The following CHSY3 variants were observed in gnomAD, a reference collection of about 807,000 sequenced individuals.
CHSY3 encodes N-acetylgalactosaminyl-proteoglycan 3-beta-glucuronosyltransferase 3.
A neutral mutation model predicts 67.2 loss-of-function variants in CHSY3; 35 were observed. That is an observed-to-expected ratio of 0.52 (90% CI 0.40 to 0.69). The LOEUF (loss-of-function observed/expected upper bound fraction) is 0.69, where lower values mean the gene tolerates loss of function less well. CHSY3 is among the 30% of genes least tolerant of loss of function. The pLI is 0.00. For synonymous variants in CHSY3, 474 were observed against 434.7 expected (o/e 1.09, Z -1.12); for missense variants, 1,069 against 1,138.5 (o/e 0.94, Z 0.88).
At chr5:130,118,441 T>C (rs1372595171) in intron 2 of CHSY3, among the ~76,000 whole-genome samples, 8 of 151,942 alleles carry the variant, frequency 5.3e-5, no homozygotes, top group Non-Finnish European at 1.2e-4. Flanking sequence ...TATCTGTCTA[T>C]ATATACACAC....
At chr5:129,985,734 C>G (rs761342467) in intron 2 of CHSY3, among the ~76,000 whole-genome samples, 1 of 152,080 alleles carries the variant, frequency 6.6e-6, no homozygotes, top group South Asian at 2.1e-4. Context: ...TTGAACTGAT[C>G]TTTTACCTCC....
chr5:130,089,225 G>T (rs1022323986), intron 2 of CHSY3, among the ~76,000 whole-genome samples: 5 of 112,752 alleles, frequency 4.4e-5, no homozygotes, highest in African/African-American at 1.7e-4. Flanking sequence ...ACTGTTGTGG[G>T]GTGGGGGGTG....
At chr5:129,978,217 A>G (rs986085624) in intron 2 of CHSY3, among the ~76,000 whole-genome samples, 5 of 152,152 alleles carry the variant, frequency 3.3e-5, no homozygotes, top group African/African-American at 4.8e-5. Flanking sequence ...TGAAAAAAAG[A>G]TGGTCACAAT....
intron 2 of CHSY3, among the ~76,000 whole-genome samples, chr5:130,166,515 AT>A (rs1212262854): frequency 8.5e-5 from 13 of 152,136 alleles, no homozygotes; most frequent in Non-Finnish European, 1.5e-4. Context: ...AAGTCCTTGT[AT>A]CTTCATTTCC....
intron 2 of CHSY3, among the ~76,000 whole-genome samples, chr5:129,971,513 A>ATTAGTAGGCAAGTTTTTAAAATTTATT (rs1762639539): frequency 6.6e-6 from 1 of 151,902 alleles, no homozygotes; most frequent in African/African-American, 2.4e-5. Context: ...GCAGGTGCTG[A>ATTAGTAGGCAAGTTTTTAAAATTTATT]AGTAGGCAAG....
chr5:130,168,528 T>C (rs1195194769), intron 2 of CHSY3, among the ~76,000 whole-genome samples: 1 of 152,140 alleles, frequency 6.6e-6, no homozygotes, highest in Non-Finnish European at 1.5e-5. Context: ...GCAGCACAGA[T>C]GTGTAAAGTC....
At chr5:130,005,150 A>G (rs1763839646) in intron 2 of CHSY3, among the ~76,000 whole-genome samples, 1 of 152,170 alleles carries the variant, frequency 6.6e-6, no homozygotes. Context: ...TTTTAAAAGT[A>G]CCTTCTTTAA....
At chr5:130,033,370 T>A (rs1347857338) in intron 2 of CHSY3, among the ~76,000 whole-genome samples, 1 of 152,140 alleles carries the variant, frequency 6.6e-6, no homozygotes, top group Non-Finnish European at 1.5e-5. Flanking sequence ...TTGCCAGAGG[T>A]AGCTTCTAAC....
chr5:129,933,502 TAAAG>T (rs1581380738), intron 2 of CHSY3, among the ~76,000 whole-genome samples: 1 of 150,848 alleles, frequency 6.6e-6, no homozygotes, highest in African/African-American at 2.4e-5. Flanking sequence ...AAATACTAAA[TAAAG>T]AAGGGTGTAA....
rs371451856 is a variant in CHSY3, at chr5:130,143,720, A to ATGTG, written c.1087-40497_1087-40494dup. ...TCATACCCATAGGGTATATATATAT[A>ATGTG]TGTGTGTGTGTGTGTATATATATAT... On this transcript the variant is annotated intron_variant, in intron 2 of 2. Transcript: ENST00000305031. Among the ~76,000 whole-genome samples, 15 of 110,582 alleles carry ATGTG rather than the reference A, an allele frequency of 1.4e-4. 1 individual carries two copies. Among genetic ancestry groups the ATGTG allele is most frequent in the Non-Finnish European group, 1.7e-4 (10 of 57,360 alleles). The allele number at this position is 110,582 out of a possible 152,430, so 72.5% of individuals were successfully genotyped here.
At chr5:129,969,961 A>G (rs1254486203) in intron 2 of CHSY3, among the ~76,000 whole-genome samples, 1 of 151,706 alleles carries the variant, frequency 6.6e-6, no homozygotes, top group Non-Finnish European at 1.5e-5. Flanking sequence ...ACTTCTTTCA[A>G]TTTCTCCAAA....
intron 2 of CHSY3, among the ~76,000 whole-genome samples, chr5:129,982,261 T>G (rs557663956): frequency 2.2e-4 from 34 of 152,034 alleles, no homozygotes; most frequent in African/African-American, 6.7e-4. Flanking sequence ...TATATAAAAC[T>G]ATATTATTCC....
At chr5:130,088,835 C>A (rs2149691278) in intron 2 of CHSY3, among the ~76,000 whole-genome samples, 1 of 152,196 alleles carries the variant, frequency 6.6e-6, no homozygotes, top group Non-Finnish European at 1.5e-5. Flanking sequence ...GGATCTAGAA[C>A]TAGAAATACC....
At chr5:130,001,675 G>T in intron 2 of CHSY3, 1 of 718,750 alleles carries the variant, frequency 1.4e-6, no homozygotes, top group Non-Finnish European at 1.7e-6. Context: ...ATAAGCCTGC[G>T]TCTTGACTAT....
At chr5:130,063,493 C>A (rs1009926522) in intron 2 of CHSY3, among the ~76,000 whole-genome samples, 1 of 152,022 alleles carries the variant, frequency 6.6e-6, no homozygotes, top group African/African-American at 2.4e-5. Flanking sequence ...TGCTTTTTCC[C>A]TAAATTTCCA....
intron 2 of CHSY3, among the ~76,000 whole-genome samples, chr5:129,912,562 T>C (rs1760600410): frequency 6.6e-6 from 1 of 152,204 alleles, no homozygotes; most frequent in Admixed American, 6.5e-5. Flanking sequence ...CTGCTCACTT[T>C]TTCTATTTCC....
chr5:130,076,469 T>G (rs1766257429), intron 2 of CHSY3, among the ~76,000 whole-genome samples: 1 of 152,034 alleles, frequency 6.6e-6, no homozygotes, highest in Non-Finnish European at 1.5e-5. Context: ...TTTCCCATTT[T>G]GGTATCCTGC....
At chr5:130,007,660 C>T (rs1001584558) in intron 2 of CHSY3, among the ~76,000 whole-genome samples, 6 of 152,096 alleles carry the variant, frequency 3.9e-5, no homozygotes, top group South Asian at 2.1e-4. Flanking sequence ...TGCAGGGTCA[C>T]GACTCAGTAT....
intron 2 of CHSY3, among the ~76,000 whole-genome samples, chr5:129,999,971 C>A (rs1181866086): frequency 6.6e-6 from 1 of 151,962 alleles, no homozygotes; most frequent in Non-Finnish European, 1.5e-5. Flanking sequence ...TCAGAAATAA[C>A]CATTGTCTTT....
Sources: allele counts gnomAD v4.1 joint callset (sites outside exome capture counted in the v4.1 genomes callset), GRCh38; gene constraint gnomAD v4.1.1; transcripts MANE v1.5; gene names NCBI Gene and HGNC (gene_info 2026-07-23, HGNC 2026-07-21).